Variants in SYT14 observed in about 807,000 individuals in gnomAD.
SYT14 encodes synaptotagmin-14.
In SYT14, 32 loss-of-function variants were observed where a neutral mutation model predicts 74.2. That is an observed-to-expected ratio of 0.43 (90% CI 0.33 to 0.58). SYT14 has a LOEUF of 0.58. Among genes scored for constraint, SYT14 ranks in the 20% least tolerant of loss-of-function variants. The pLI, the probability that SYT14 is intolerant of heterozygous loss-of-function variation, is 0.05. For synonymous variants in SYT14, 298 were observed against 337.7 expected (o/e 0.88, Z 1.29); for missense variants, 791 against 981.8 (o/e 0.81, Z 2.60).
chr1:209,975,039 T>A (rs2102769354), intron 2 of SYT14, among the ~76,000 whole-genome samples: 1 of 152,348 alleles, frequency 6.6e-6, no homozygotes, highest in African/African-American at 2.4e-5. Context: ...ATAAGAATGC[T>A]TGTGATTTTT....
At chr1:209,951,786 G>A (rs2078916365) in intron 1 of SYT14, among the ~76,000 whole-genome samples, 1 of 152,116 alleles carries the variant, frequency 6.6e-6, no homozygotes, top group Non-Finnish European at 1.5e-5. Context: ...TATACACAAT[G>A]GAATTCTATA....
intron 2 of SYT14, among the ~76,000 whole-genome samples, chr1:209,962,670 A>C (rs548630868): frequency 6.6e-6 from 1 of 152,126 alleles, no homozygotes; most frequent in Non-Finnish European, 1.5e-5. Context: ...CCATAAATTA[A>C]CATATACGCT....
At chr1:210,034,884 A>T (rs1466468930) in intron 5 of SYT14, among the ~76,000 whole-genome samples, 1 of 151,872 alleles carries the variant, frequency 6.6e-6, no homozygotes, top group Non-Finnish European at 1.5e-5. Flanking sequence ...GTTGATGAAC[A>T]CTTAGGTTGA....
exon 10 of SYT14, chr1:210,161,507 A>G (rs752351609): frequency 8.2e-5 from 37 of 453,846 alleles, no homozygotes; most frequent in South Asian, 3.4e-4. Flanking sequence ...TAGTTCTCCA[A>G]CTCTATCATA....
chr1:210,021,088 A>G (rs1035195177), exon 5 of SYT14: 1 of 1,614,006 alleles, frequency 6.2e-7, no homozygotes, highest in Non-Finnish European at 8.5e-7. Flanking sequence ...CTGAAAGTGA[A>G]GATGAAGCGC....
chr1:210,002,975 T>A (rs1275834274), intron 2 of SYT14, among the ~76,000 whole-genome samples: 2 of 152,182 alleles, frequency 1.3e-5, no homozygotes, highest in Non-Finnish European at 2.9e-5. Flanking sequence ...CTTGTGTGAT[T>A]TATGCTTTTT....
intron 2 of SYT14, among the ~76,000 whole-genome samples, chr1:209,993,704 T>C (rs2079735071): frequency 1.3e-5 from 2 of 152,190 alleles, no homozygotes; most frequent in Middle Eastern, 3.4e-3. Flanking sequence ...TGGGCGCCCA[T>C]GATTGGAGGG....
intron 5 of SYT14, among the ~76,000 whole-genome samples, chr1:210,073,882 T>G (rs1459711582): frequency 6.6e-6 from 1 of 151,968 alleles, no homozygotes. Flanking sequence ...AATTATGGTA[T>G]GTTATTTGCA....
intron 1 of SYT14, among the ~76,000 whole-genome samples, chr1:209,950,904 A>T (rs559336414): frequency 6.6e-6 from 1 of 152,338 alleles, no homozygotes; most frequent in South Asian, 2.1e-4. Context: ...ATGGTACACT[A>T]CAAAATTTTA....
At chr1:209,947,760 A>G (rs188771867) in intron 1 of SYT14, among the ~76,000 whole-genome samples, 3 of 152,334 alleles carry the variant, frequency 2.0e-5, no homozygotes, top group East Asian at 1.9e-4. Flanking sequence ...GTAAAATGCT[A>G]TCAAACAGCA....
intron 2 of SYT14, among the ~76,000 whole-genome samples, chr1:209,956,371 C>T (rs963275227): frequency 6.6e-6 from 1 of 152,122 alleles, no homozygotes; most frequent in East Asian, 1.9e-4. Context: ...AACACTCCTT[C>T]AGCAGTGATT....
chr1:210,140,738 C>A (rs2082897094), intron 7 of SYT14, among the ~76,000 whole-genome samples: 1 of 152,024 alleles, frequency 6.6e-6, no homozygotes, highest in Admixed American at 6.6e-5. Flanking sequence ...GTTGTCCCAA[C>A]AATTTGTTGA....
intron 5 of SYT14, among the ~76,000 whole-genome samples, chr1:210,023,989 A>G (rs988886783): frequency 5.3e-5 from 8 of 152,162 alleles, no homozygotes; most frequent in Non-Finnish European, 1.0e-4. Flanking sequence ...GTATACATTA[A>G]TCAAGGTTTT....
At chr1:210,000,466 GCA>G (rs375046637) in intron 2 of SYT14, among the ~76,000 whole-genome samples, 8,454 of 143,056 alleles carry the variant, frequency 0.059, 328 homozygotes, top group East Asian at 0.15. Flanking sequence ...GTCCTCATAC[GCA>G]CACACACACA....
chr1:210,142,753 C>G (rs1320701374), intron 7 of SYT14, among the ~76,000 whole-genome samples: 1 of 151,046 alleles, frequency 6.6e-6, no homozygotes, highest in Admixed American at 6.6e-5. Flanking sequence ...GCTCTCTGCA[C>G]CCCTTCCTCC....
chr1:210,011,411 G>A (rs1200832021), intron 2 of SYT14, among the ~76,000 whole-genome samples: 1 of 152,104 alleles, frequency 6.6e-6, no homozygotes, highest in African/African-American at 2.4e-5. Context: ...CTAATGTCTG[G>A]CTATAATTTC....
intron 2 of SYT14, among the ~76,000 whole-genome samples, chr1:209,955,385 C>G (rs554911764): frequency 6.6e-6 from 1 of 152,178 alleles, no homozygotes; most frequent in Non-Finnish European, 1.5e-5. Context: ...TTACGCAACT[C>G]CTAACTTAAG....
At chr1:210,156,407 G>A (rs2083267788) in intron 8 of SYT14, among the ~76,000 whole-genome samples, 1 of 151,760 alleles carries the variant, frequency 6.6e-6, no homozygotes. Flanking sequence ...AGTACTGCCA[G>A]CAGAGACTTT....
intron 5 of SYT14, among the ~76,000 whole-genome samples, chr1:210,061,662 G>C (rs2102412982): frequency 6.6e-6 from 1 of 151,974 alleles, no homozygotes; most frequent in South Asian, 2.1e-4. Context: ...CATGTAACTA[G>C]TTATGGAAAT....
Sources: allele counts gnomAD v4.1 joint callset (sites outside exome capture counted in the v4.1 genomes callset), GRCh38; gene constraint gnomAD v4.1.1; transcripts MANE v1.5; gene names NCBI Gene and HGNC (gene_info 2026-07-23, HGNC 2026-07-21).